The following ZNF385D variants were observed in gnomAD, a reference collection of about 807,000 sequenced individuals.
ZNF385D encodes the protein zinc finger protein 659.
ZNF385D carries 15 observed loss-of-function variants against 35.8 expected under a neutral mutation model. The observed-to-expected ratio is 0.42, with a 90% CI of 0.28 to 0.64. ZNF385D has a LOEUF of 0.64. ZNF385D is among the 30% of genes least tolerant of loss of function. The probability of loss-of-function intolerance (pLI) is 0.23; values close to 1 mark genes in which losing one functional copy is unlikely to be tolerated. For missense variants in ZNF385D, 474 were observed against 494.6 expected, an observed-to-expected ratio of 0.96 and a Z score of 0.39; for synonymous variants, 212 against 186.8, an observed-to-expected ratio of 1.13 and a Z score of -1.10.
chr3:22,004,154 G>A (rs1576130483), intron 3 of ZNF385D, among the ~76,000 whole-genome samples: 1 of 152,080 alleles, frequency 6.6e-6, no homozygotes. Context: ...CATATTTATA[G>A]CCAACTGACT....
At chr3:22,138,865 T>A (rs11719692) in intron 3 of ZNF385D, among the ~76,000 whole-genome samples, 1 of 151,212 alleles carries the variant, frequency 6.6e-6, no homozygotes, top group African/African-American at 2.4e-5. Flanking sequence ...GAAACTACCA[T>A]CAGAGTGAAC....
intron 3 of ZNF385D, among the ~76,000 whole-genome samples, chr3:21,938,996 T>G (rs1231322954): frequency 6.6e-6 from 1 of 152,218 alleles, no homozygotes; most frequent in Non-Finnish European, 1.5e-5. Flanking sequence ...CTTCCTGGTA[T>G]CTGGAATTTG....
chr3:21,821,969 A>C (rs1195934119), intron 3 of ZNF385D, among the ~76,000 whole-genome samples: 1 of 148,642 alleles, frequency 6.7e-6, no homozygotes, highest in Non-Finnish European at 1.5e-5. Flanking sequence ...TTGTCTCAAA[A>C]AAAAAAAAAA....
chr3:22,106,166 T>C (rs1057361538), intron 3 of ZNF385D, among the ~76,000 whole-genome samples: 1 of 152,134 alleles, frequency 6.6e-6, no homozygotes, highest in African/African-American at 2.4e-5. Flanking sequence ...CCATGGGATG[T>C]TCTCACTTGC....
chr3:22,341,404 G>A (rs1401676721), intron 2 of ZNF385D, among the ~76,000 whole-genome samples: 3 of 152,070 alleles, frequency 2.0e-5, no homozygotes, highest in Non-Finnish European at 2.9e-5. Context: ...GAGATCATAG[G>A]GCCCAGAATG....
chr3:22,087,828 A>G (rs1370517936), intron 3 of ZNF385D, among the ~76,000 whole-genome samples: 3 of 152,240 alleles, frequency 2.0e-5, no homozygotes, highest in Non-Finnish European at 4.4e-5. Flanking sequence ...AGTTTAAAAA[A>G]AGCAGAGTAT....
chr3:22,171,520 G>A (rs1340846771), intron 2 of ZNF385D, among the ~76,000 whole-genome samples: 1 of 152,054 alleles, frequency 6.6e-6, no homozygotes, highest in African/African-American at 2.4e-5. Flanking sequence ...GAAAATATGT[G>A]GTATTGACAC....
At chr3:22,116,973 A>G (rs1367939014) in intron 3 of ZNF385D, among the ~76,000 whole-genome samples, 1 of 151,962 alleles carries the variant, frequency 6.6e-6, no homozygotes, top group Non-Finnish European at 1.5e-5. Context: ...AAAATTTGTT[A>G]CCCTCTTTCA....
At chr3:21,816,975 C>A (rs2073177292) in intron 3 of ZNF385D, among the ~76,000 whole-genome samples, 1 of 152,076 alleles carries the variant, frequency 6.6e-6, no homozygotes, top group African/African-American at 2.4e-5. Flanking sequence ...GGTACTGGTA[C>A]CAAAACAGAC....
chr3:21,664,878 G>C lies in ZNF385D; in HGVS notation c.165+8C>G. 2 of 1,613,528 alleles carry C rather than the reference G, an allele frequency of 1.2e-6. No individual in the cohort carries two copies. The highest frequency in any genetic ancestry group is 1.7e-6 in the Non-Finnish European group (2 of 1,179,592). On this transcript the variant is annotated splice_region_variant and intron_variant, in intron 2 of 7. Transcript: ENST00000281523. Reference sequence around the variant, plus strand: ...ACTCAGGCAAAGACAAATTTGGCAGGTACTTACCGCATTGAAATTGGGGAA... The same window carrying C: ...ACTCAGGCAAAGACAAATTTGGCAGCTACTTACCGCATTGAAATTGGGGAA...
chr3:22,127,649 T>A lies in ZNF385D; in HGVS notation c.325+41168A>T, dbSNP rs1035467071. Among the ~76,000 whole-genome samples, 7 of 152,088 alleles carry A rather than the reference T, an allele frequency of 4.6e-5. 1 individual carries two copies. The highest frequency in any genetic ancestry group is 1.7e-4 in the African/African-American group (7 of 41,516). Reference sequence around the variant, plus strand: ...GCCACCGTGCCTGGCCCTAAATGTTTTCTTGATTTGAAATTCCCATGAGGC... The same window carrying A: ...GCCACCGTGCCTGGCCCTAAATGTTATCTTGATTTGAAATTCCCATGAGGC... On this transcript the variant is annotated intron_variant, in intron 3 of 5. Transcript: ENST00000494108.
chr3:21,872,124 A>G (rs1697726398), intron 3 of ZNF385D, among the ~76,000 whole-genome samples: 1 of 152,178 alleles, frequency 6.6e-6, no homozygotes, highest in African/African-American at 2.4e-5. Context: ...CTTCATTTGT[A>G]GAAGTCTTTG....
At chr3:21,565,827 T>A (rs2063125680) in intron 2 of ZNF385D, among the ~76,000 whole-genome samples, 1 of 152,186 alleles carries the variant, frequency 6.6e-6, no homozygotes. Context: ...TTGAGATAGA[T>A]CAGAAATTAT....
intron 1 of ZNF385D, among the ~76,000 whole-genome samples, chr3:21,671,718 G>A (rs12491351): frequency 6.6e-6 from 1 of 151,960 alleles, no homozygotes; most frequent in African/African-American, 2.4e-5. Context: ...AATTAGTTCC[G>A]AGACATAATT....
At chr3:22,056,974 C>G (rs1699434024) in intron 3 of ZNF385D, among the ~76,000 whole-genome samples, 1 of 152,208 alleles carries the variant, frequency 6.6e-6, no homozygotes, top group Admixed American at 6.5e-5. Flanking sequence ...AGCCTCATGG[C>G]TAAGTCTGAA....
chr3:21,563,390 G>T (rs945744295), intron 3 of ZNF385D: 1 of 152,190 alleles, frequency 6.6e-6, no homozygotes, highest in Non-Finnish European at 1.5e-5. Context: ...ATGGACTAAA[G>T]TGTTATGCAG....
chr3:21,814,269 T>G (rs1202292608), intron 3 of ZNF385D, among the ~76,000 whole-genome samples: 4 of 152,184 alleles, frequency 2.6e-5, no homozygotes, highest in Non-Finnish European at 5.9e-5. Flanking sequence ...AGACCATCGA[T>G]GTTAGGAAGA....
At chr3:21,806,733 G>C (rs4858359) in intron 3 of ZNF385D, among the ~76,000 whole-genome samples, 5 of 151,946 alleles carry the variant, frequency 3.3e-5, no homozygotes, top group Admixed American at 2.0e-4. Flanking sequence ...CTCCTTCTGT[G>C]ACTGGTTTAC....
At chr3:22,073,456 C>T (rs1249228964) in intron 3 of ZNF385D, among the ~76,000 whole-genome samples, 1 of 151,560 alleles carries the variant, frequency 6.6e-6, no homozygotes, top group Non-Finnish European at 1.5e-5. Context: ...TTTAAACTTC[C>T]AGAAATTTAA....
Sources: allele counts gnomAD v4.1 joint callset (sites outside exome capture counted in the v4.1 genomes callset), GRCh38; gene constraint gnomAD v4.1.1; transcripts MANE v1.5; gene names NCBI Gene and HGNC (gene_info 2026-07-23, HGNC 2026-07-21).